The following ZNF804B variants were observed in gnomAD, a reference collection of about 807,000 sequenced individuals.
The protein encoded by ZNF804B is zinc finger protein 804B, also known as zinc finger 804B.
Under a neutral mutation model 101.4 loss-of-function variants are expected in ZNF804B, and 80 were observed. The observed-to-expected ratio is 0.79, with a 90% CI of 0.66 to 0.95. The LOEUF is 0.95. Among genes scored for constraint, ZNF804B ranks in the 40% least tolerant of loss-of-function variants. The probability of loss-of-function intolerance (pLI) is 0.00; values close to 1 mark genes in which losing one functional copy is unlikely to be tolerated. For synonymous variants in ZNF804B, 622 were observed against 558.8 expected, an observed-to-expected ratio of 1.11 and a Z score of -1.59; for missense variants, 1,673 against 1,561.9, an observed-to-expected ratio of 1.07 and a Z score of -1.20.
At chr7:88,956,661 G>A (rs1240143233) in intron 1 of ZNF804B, among the ~76,000 whole-genome samples, 2 of 151,008 alleles carry the variant, frequency 1.3e-5, no homozygotes, top group South Asian at 2.1e-4. Flanking sequence ...ACTTCTAACT[G>A]GGATAGTTTT....
At chr7:88,843,097 G>A (rs1480583333) in intron 1 of ZNF804B, among the ~76,000 whole-genome samples, 1 of 152,142 alleles carries the variant, frequency 6.6e-6, no homozygotes, top group Non-Finnish European at 1.5e-5. Flanking sequence ...CAAAAGCTGA[G>A]GAATGCTTTG....
At chr7:89,091,765 G>T (rs1388886171) in intron 1 of ZNF804B, among the ~76,000 whole-genome samples, 2 of 152,094 alleles carry the variant, frequency 1.3e-5, no homozygotes, top group African/African-American at 4.8e-5. Context: ...CATACTGAGG[G>T]CTTCCCTCCT....
chr7:88,983,264 G>A, intron 1 of ZNF804B, among the ~76,000 whole-genome samples: 1 of 152,080 alleles, frequency 6.6e-6, no homozygotes, highest in East Asian at 1.9e-4. Flanking sequence ...AGTGATATGT[G>A]TGCCCATTAA....
At chr7:88,995,361 T>A (rs1788170754) in intron 1 of ZNF804B, among the ~76,000 whole-genome samples, 1 of 152,084 alleles carries the variant, frequency 6.6e-6, no homozygotes, top group Non-Finnish European at 1.5e-5. Context: ...ATATACTTAC[T>A]AATTGACAAG....
intron 1 of ZNF804B, among the ~76,000 whole-genome samples, chr7:89,209,055 GCAGT>G (rs1199748938): frequency 6.6e-6 from 1 of 151,812 alleles, no homozygotes; most frequent in Non-Finnish European, 1.5e-5. Context: ...CTGTTCAATT[GCAGT>G]CAGTTAAGAA....
intron 1 of ZNF804B, among the ~76,000 whole-genome samples, chr7:89,156,067 T>TC (rs1234092912): frequency 1.0e-4 from 7 of 68,626 alleles, no homozygotes; most frequent in African/African-American, 3.6e-4. Context: ...TTTCTTTCTT[T>TC]CTTTCTCTCT....
chr7:88,991,556 G>C (rs1453057602), intron 1 of ZNF804B, among the ~76,000 whole-genome samples: 1 of 152,152 alleles, frequency 6.6e-6, no homozygotes, highest in African/African-American at 2.4e-5. Context: ...TCTTCAACCA[G>C]TTTCTCAGAA....
intron 1 of ZNF804B, among the ~76,000 whole-genome samples, chr7:88,924,231 T>G (rs1792763030): frequency 6.6e-6 from 1 of 152,188 alleles, no homozygotes; most frequent in Non-Finnish European, 1.5e-5. Context: ...TTAATGATTT[T>G]ATTTTATTTT....
chr7:89,055,823 T>C (rs946658991), intron 1 of ZNF804B, among the ~76,000 whole-genome samples: 1 of 151,828 alleles, frequency 6.6e-6, no homozygotes, highest in Non-Finnish European at 1.5e-5. Flanking sequence ...CAGGAACAAG[T>C]GTATAATTAT....
chr7:89,048,074 G>C (rs142494176), intron 1 of ZNF804B, among the ~76,000 whole-genome samples: 1 of 151,950 alleles, frequency 6.6e-6, no homozygotes, highest in African/African-American at 2.4e-5. Flanking sequence ...CACACTATTC[G>C]TAGTCTTTTA....
At chr7:88,906,101 T>G (rs1051116408) in intron 1 of ZNF804B, among the ~76,000 whole-genome samples, 3 of 152,066 alleles carry the variant, frequency 2.0e-5, no homozygotes, top group Non-Finnish European at 2.9e-5. Flanking sequence ...CTTTTGTATT[T>G]CTGTAGAATG....
At chr7:89,009,141 ATTC>A (rs1451857449) in intron 1 of ZNF804B, among the ~76,000 whole-genome samples, 1 of 152,098 alleles carries the variant, frequency 6.6e-6, no homozygotes, top group African/African-American at 2.4e-5. Context: ...TGGTCTCAGA[ATTC>A]TTCTGCAATT....
At chr7:89,137,812 G>T (rs1197431993) in intron 1 of ZNF804B, among the ~76,000 whole-genome samples, 1 of 152,104 alleles carries the variant, frequency 6.6e-6, no homozygotes, top group Non-Finnish European at 1.5e-5. Context: ...TCCAGGGCAT[G>T]TCAGAGGTCT....
chr7:88,876,836 C>T (rs145818035), intron 1 of ZNF804B, among the ~76,000 whole-genome samples: 2 of 149,858 alleles, frequency 1.3e-5, no homozygotes, highest in South Asian at 2.1e-4. Context: ...ATATAAATGA[C>T]CTAGAAATGT....
intron 2 of ZNF804B, among the ~76,000 whole-genome samples, chr7:89,305,990 A>C (rs2115932619): frequency 6.6e-6 from 1 of 152,118 alleles, no homozygotes; most frequent in South Asian, 2.1e-4. Flanking sequence ...TAGATGTAAT[A>C]ATTGTCCCAA....
intron 1 of ZNF804B, among the ~76,000 whole-genome samples, chr7:89,197,276 G>A (rs1788570033): frequency 6.6e-6 from 1 of 151,760 alleles, no homozygotes. Flanking sequence ...AAAACAAAAC[G>A]GAACAGAACA....
chr7:88,973,211 T>C (rs1356782869), intron 1 of ZNF804B, among the ~76,000 whole-genome samples: 1 of 151,182 alleles, frequency 6.6e-6, no homozygotes, highest in Non-Finnish European at 1.5e-5. Flanking sequence ...TTTTTTTACA[T>C]ATTGTAATCC....
chr7:89,302,889 C>A (rs949474204), intron 2 of ZNF804B, among the ~76,000 whole-genome samples: 2 of 151,872 alleles, frequency 1.3e-5, no homozygotes, highest in African/African-American at 2.4e-5. Flanking sequence ...TTGGTTTTAC[C>A]ATTGCTCACA....
intron 1 of ZNF804B, among the ~76,000 whole-genome samples, chr7:89,017,064 T>C (rs1788577217): frequency 6.6e-6 from 1 of 152,196 alleles, no homozygotes; most frequent in Non-Finnish European, 1.5e-5. Flanking sequence ...CCCTTGTAAG[T>C]TAGATTCCTA....
Sources: allele counts gnomAD v4.1 joint callset (sites outside exome capture counted in the v4.1 genomes callset), GRCh38; gene constraint gnomAD v4.1.1; transcripts MANE v1.5; gene names NCBI Gene and HGNC (gene_info 2026-07-23, HGNC 2026-07-21).